The following PTPRS variants were observed in gnomAD, a reference collection of about 807,000 sequenced individuals.
PTPRS encodes protein tyrosine phosphatase receptor type S.
A neutral mutation model predicts 215.3 loss-of-function variants in PTPRS; 63 were observed. The ratio of observed to expected loss-of-function variants is 0.29; its 90% CI spans 0.24 to 0.36. PTPRS has a LOEUF of 0.36. Ranked by LOEUF, PTPRS falls within the 10% of genes least tolerant of loss-of-function variation. PTPRS has a pLI of 1.00. For synonymous variants in PTPRS, 1,404 were observed against 1,191.4 expected, an observed-to-expected ratio of 1.18 and a Z score of -3.68; for missense variants, 2,258 against 2,825.8, an observed-to-expected ratio of 0.80 and a Z score of 4.56.
At chr19:5,219,713 TTTTC>T (rs1403914299) in intron 22 of PTPRS, among the ~76,000 whole-genome samples, 2 of 152,166 alleles carry the variant, frequency 1.3e-5, no homozygotes, top group African/African-American at 2.4e-5. Context: ...CTGGGATGCT[TTTTC>T]TTTGTTGAAC....
chr19:5,216,678 G>A, intron 26 of PTPRS, 42 bp downstream of exon 26: 1 of 1,453,786 alleles, frequency 6.9e-7, no homozygotes. Flanking sequence ...AATGAACGGG[G>A]GCGGGGGCGA....
intron 1 of PTPRS, among the ~76,000 whole-genome samples, chr19:5,331,297 ATTTTT>A (rs60930224): frequency 2.7e-5 from 4 of 150,356 alleles, no homozygotes; most frequent in African/African-American, 9.8e-5. Context: ...CCCTCGGCTG[ATTTTT>A]TTTTGTTTTT....
Position 5,295,525 on chromosome 19 carries a change from G to A in PTPRS, c.-94-9291C>T, listed in dbSNP as rs1042802016. Among the ~76,000 whole-genome samples the A allele has an allele frequency of 1.3e-5, 2 of 152,080 alleles. No homozygotes were observed. Among genetic ancestry groups the A allele is most frequent in the South Asian group, 2.1e-4 (1 of 4,814 alleles). On this transcript the variant is annotated intron_variant, in intron 1 of 37. Transcript: ENST00000262963. This position sits in a 1 kb window ranked among gnomAD's most constrained non-coding sequence, Gnocchi z 4.6. ...AGAGCCCTACATGCGCCTAGTCCCC[G>A]GGTCTGCCTCTCCCACCAGACTGTG...
intron 1 of PTPRS, among the ~76,000 whole-genome samples, chr19:5,306,194 G>C (rs1321465406): frequency 6.6e-6 from 1 of 150,716 alleles, no homozygotes; most frequent in Non-Finnish European, 1.5e-5. Flanking sequence ...ACCCAGGCTG[G>C]AGTACAGCGG....
chr19:5,234,021 C>G (rs2043230797), intron 13 of PTPRS, among the ~76,000 whole-genome samples: 1 of 140,688 alleles, frequency 7.1e-6, no homozygotes, highest in South Asian at 2.4e-4. Flanking sequence ...CAATAGAAGC[C>G]CCAATTATTA....
chr19:5,224,965 C>T (rs1021697324), intron 17 of PTPRS, among the ~76,000 whole-genome samples: 1 of 152,098 alleles, frequency 6.6e-6, no homozygotes, highest in African/African-American at 2.4e-5. Flanking sequence ...TCGATTGTTC[C>T]TGAAACACCC....
chr19:5,207,723 C>T (rs527445673), intron 37 of PTPRS, among the ~76,000 whole-genome samples, 199 bp downstream of exon 37: 2 of 152,214 alleles, frequency 1.3e-5, no homozygotes, highest in Non-Finnish European at 2.9e-5. Context: ...GGCCACTTCT[C>T]GCCTTTGACC....
rs2050617005 is a variant in PTPRS, at chr19:5,339,532, G to T, written c.-95+1132C>A. 6.6e-6 allele frequency among the ~76,000 whole-genome samples: 1 copy of T among 151,996 alleles called. No homozygotes were observed. The highest frequency in any genetic ancestry group is 2.1e-4 in the South Asian group (1 of 4,814). ...GGGGAGTTCCCCAATTTGGGAAGGG[G>T]GGGAATTGGTGGGAAATGTCCAGGA... is the stretch of plus-strand genomic sequence containing the variant. On this transcript the variant is annotated intron_variant, in intron 1 of 37. Transcript: ENST00000262963. This position sits in a 1 kb window ranked among gnomAD's most constrained non-coding sequence, Gnocchi z 4.2.
chr19:5,209,611 C>T (rs368423652), intron 35 of PTPRS, among the ~76,000 whole-genome samples: 13 of 152,120 alleles, frequency 8.5e-5, no homozygotes, highest in African/African-American at 2.7e-4. Context: ...CTAGTATTTC[C>T]CATTGATTTT....
Position 5,225,868 on chromosome 19 carries a change from C to G in PTPRS, c.2377-24G>C, listed in dbSNP as rs760593079. On this transcript the variant is annotated intron_variant, in intron 16 of 37. Transcript: ENST00000262963. ...TCCTGCAGGCACGGCTGGGGGTCAG[C>G]ACGACGGCTGGGGCTGGGAGCAGCC... The G allele has an allele frequency of 3.1e-6, 5 of 1,600,030 alleles. No homozygotes were observed. The Admixed American group carries it at 8.3e-5, about 27-fold the overall frequency.
At chr19:5,274,521 C>A (rs952728883) in intron 2 of PTPRS, among the ~76,000 whole-genome samples, 177 bp from the exon 3 acceptor site, 1 of 152,166 alleles carries the variant, frequency 6.6e-6, no homozygotes, top group African/African-American at 2.4e-5. Flanking sequence ...TCGCCCCCCA[C>A]CACGGCACCC....
intron 1 of PTPRS, among the ~76,000 whole-genome samples, chr19:5,327,440 GGTCACACTGAACAAGCA>G: frequency 6.6e-6 from 1 of 152,116 alleles, no homozygotes; most frequent in South Asian, 2.1e-4. Flanking sequence ...ACTGCCCCAG[GGTCACACTGAACAAGCA>G]GCTCAGACAT....
chr19:5,279,354 A>AT (rs1243313953), intron 2 of PTPRS, among the ~76,000 whole-genome samples: 13 of 149,402 alleles, frequency 8.7e-5, no homozygotes, highest in African/African-American at 1.5e-4. Context: ...TTTTATTTTT[A>AT]TTTTATTTTT....
chr19:5,297,867 A>G (rs1046134126), intron 1 of PTPRS, among the ~76,000 whole-genome samples: 4 of 143,446 alleles, frequency 2.8e-5, no homozygotes, highest in Non-Finnish European at 4.5e-5. Flanking sequence ...ATCTCGGCTC[A>G]CTGCAACCTC....
intron 4 of PTPRS, among the ~76,000 whole-genome samples, chr19:5,271,586 G>C (rs1161621895): frequency 1.3e-5 from 2 of 151,848 alleles, no homozygotes; most frequent in African/African-American, 4.8e-5. Context: ...TTTTAGTACA[G>C]ACAGGGTTTC....
At chr19:5,298,671 C>T (rs985410184) in intron 1 of PTPRS, among the ~76,000 whole-genome samples, 2 of 152,228 alleles carry the variant, frequency 1.3e-5, no homozygotes, top group Admixed American at 6.5e-5. Context: ...CGGGTCTACC[C>T]GCCAGCCGCA....
chr19:5,219,422 G>A lies in PTPRS; in HGVS notation c.3811C>T (p.Pro1271Ser), dbSNP rs1204660130. 1 of 1,611,878 alleles carries A rather than the reference G, an allele frequency of 6.2e-7. No individual in the cohort carries two copies. The highest frequency in any genetic ancestry group is 2.2e-5 in the East Asian group (1 of 44,852). ...CCATCCACGATGGGCTGGGGGTCCG[G>A]GTTATCCAGCTGGAAGGGGTCTGAG... ...PFSDPFQLDNPDPQPIVDGEE... is the reference protein window; with the variant it reads ...PFSDPFQLDNSDPQPIVDGEE... The change falls in exon 23 of 38, where the codon CCG becomes TCG. Residue 1271 changes from proline to serine, a missense_variant. Transcript: ENST00000262963.
chr19:5,245,970 G>C lies in PTPRS; in HGVS notation c.794C>G (p.Thr265Ser). The C allele has an allele frequency of 6.2e-7, 1 of 1,606,824 alleles. No homozygotes were observed. Among genetic ancestry groups the C allele is most frequent in the Non-Finnish European group, 8.5e-7 (1 of 1,176,320 alleles). ...CATGGGCGAGCCCACGGCCACGCAG[G>C]TGATGTTCACGTTGCCCCCTGGCAT... ...EIMPGGNVNI[T>S]CVAVGSPMPY... The change falls in exon 10 of 38, where the codon ACC (threonine) becomes AGC (serine). Residue 265 changes from threonine to serine, a missense_variant. Thr to Ser is a moderately conservative substitution (Grantham distance 58). Transcript: ENST00000262963.
At chr19:5,331,704 G>A (rs59025652) in intron 1 of PTPRS, among the ~76,000 whole-genome samples, 3,042 of 152,274 alleles carry the variant, frequency 0.02, 90 homozygotes, top group African/African-American at 0.069. Context: ...AAGAGCAAAC[G>A]ACTGCGCTAC....
Sources: allele counts gnomAD v4.1 joint callset (sites outside exome capture counted in the v4.1 genomes callset), GRCh38; gene constraint gnomAD v4.1.1; non-coding constraint Gnocchi (gnomAD v3.1); transcripts MANE v1.5; gene names NCBI Gene and HGNC (gene_info 2026-07-23, HGNC 2026-07-21).